SGK2: variants seen among roughly 807,000 people sequenced by gnomAD.
The protein encoded by SGK2 is serine/threonine-protein kinase Sgk2.
In SGK2, 36 loss-of-function variants were observed where a neutral mutation model predicts 47.5. The ratio of observed to expected loss-of-function variants is 0.76; its 90% confidence interval spans 0.58 to 1.00. The LOEUF (loss-of-function observed/expected upper bound fraction) is 1.00. SGK2 is among the 50% of genes least tolerant of loss of function. The probability of loss-of-function intolerance (pLI) is 0.00; values close to 1 mark genes in which losing one functional copy is unlikely to be tolerated. For missense variants in SGK2, 404 were observed against 467.4 expected (o/e 0.86, Z 1.25); for synonymous variants, 157 against 181.9 (o/e 0.86, Z 1.10).
Position 43,567,653 on chromosome 20 carries a change from C to T in SGK2, c.87-12C>T. The T allele has an allele frequency of 6.2e-7, 1 of 1,613,926 alleles. No homozygotes were observed. Among genetic ancestry groups the T allele is most frequent in the Non-Finnish European group, 8.5e-7 (1 of 1,179,854 alleles). ...TGCAAATGCTGATCCGTGTTTTTCC[C>T]TCTTCCCCCAGTGCCCAGCCCACGG... On this transcript the variant is annotated splice_polypyrimidine_tract_variant and intron_variant, in intron 3 of 12. Coordinates refer to ENST00000373100, the MANE Select transcript of SGK2 (RefSeq NM_170693.3).
chr20:43,560,407 G>C (rs1180533840), intron 1 of SGK2, among the ~76,000 whole-genome samples: 1 of 151,750 alleles, frequency 6.6e-6, no homozygotes, highest in East Asian at 1.9e-4. Context: ...GCTGAGACAG[G>C]AGAATTGCTT....
intron 11 of SGK2, 49 bp from the exon 12 acceptor site, chr20:43,579,923 A>G (rs1181117041): frequency 2.5e-5 from 31 of 1,253,600 alleles, no homozygotes; most frequent in Non-Finnish European, 3.4e-5. Flanking sequence ...GAGAGCACCC[A>G]TGGGGAGGGC....
rs952158268 is a variant in SGK2 at position 43,571,190 on chromosome 20, G to A, written c.510+130G>A. The stretch of plus-strand genomic sequence containing the variant: ...ACATGTATGCATATAGGTAGAGGAG[G>A]CATTTGAGCATATGTGTGTGTGCCC... On this transcript the variant is annotated intron_variant, in intron 8 of 12. Coordinates refer to ENST00000373100, the MANE Select transcript of SGK2 (RefSeq NM_170693.3). 2.1e-5 allele frequency: 30 copies of A among 1,418,410 alleles called. No homozygotes were observed. The Admixed American group carries it at 3.2e-4, about 15-fold the overall frequency. The allele number at this position is 1,418,410 out of a possible 1,614,324, so 87.9% of individuals were successfully genotyped here.
intron 11 of SGK2, among the ~76,000 whole-genome samples, chr20:43,577,500 C>T (rs1370511265): frequency 6.6e-5 from 10 of 151,586 alleles, no homozygotes; most frequent in Admixed American, 4.6e-4. Context: ...TACAGGCACC[C>T]GCCACCACGC....
chr20:43,570,493 G>T, intron 6 of SGK2, 124 bp from the exon 7 acceptor site: 1 of 619,752 alleles, frequency 1.6e-6, no homozygotes, highest in Non-Finnish European at 2.8e-6. Flanking sequence ...GCACTCTTTT[G>T]GTAGGAAGAA....
chr20:43,567,600 T>A lies in SGK2; in HGVS notation c.87-65T>A, dbSNP rs1467032608. The stretch of plus-strand genomic sequence containing the variant: ...CTAAAGTTAAAAAGAAGCCCAGGTT[T>A]GTTCTCAGGCACCAGGTTTCCAGAC... On this transcript the variant is annotated intron_variant, in intron 3 of 12. Coordinates refer to ENST00000373100, the MANE Select transcript of SGK2 (RefSeq NM_170693.3). 3 of 1,463,644 alleles carry A rather than the reference T, an allele frequency of 2.0e-6. No homozygotes were observed. The African/African-American group carries it at 4.2e-5, about 20-fold the overall frequency. The allele number at this position is 1,463,644 out of a possible 1,614,324, so 90.7% of individuals were successfully genotyped here.
intron 1 of SGK2, among the ~76,000 whole-genome samples, chr20:43,560,184 C>T (rs964763461): frequency 1.3e-5 from 2 of 152,072 alleles, no homozygotes; most frequent in East Asian, 1.9e-4. Flanking sequence ...AGAAGCTTTA[C>T]ACAATAGTAC....
chr20:43,580,828 G>A (rs1458636042), intron 12 of SGK2, among the ~76,000 whole-genome samples: 2 of 150,886 alleles, frequency 1.3e-5, no homozygotes, highest in Non-Finnish European at 3.0e-5. Flanking sequence ...GAAACCACTG[G>A]CATATTTCCT....
chr20:43,567,953 A>G lies in SGK2; in HGVS notation c.182A>G (p.Tyr61Cys), dbSNP rs147035926. 563 of 1,614,192 alleles carry G rather than the reference A, an allele frequency of 3.5e-4. 1 individual carries two copies. Among genetic ancestry groups the G allele is most frequent in the Non-Finnish European group, 4.3e-4 (504 of 1,180,020 alleles). Residue 61 changes from tyrosine to cysteine, a missense_variant, in exon 5 of 13, where the codon TAT becomes TGT. Transcript: ENST00000373100. ...AAGCGCAAGTCTGATGGGGCGTTCT[A>G]TGCAGTGAAGGTACTACAGAAAAAG... ...LAKRKSDGAF[Y>C]AVKVLQKKSI...
In SGK2 at chr20:43,570,205, A is replaced by G. The variant is rs141524087; in HGVS notation, c.361-412A>G. Among the ~76,000 whole-genome samples the G allele has an allele frequency of 3.8e-4, 58 of 152,270 alleles. 2 individuals are homozygous for G. The East Asian group carries it at 9.7e-3, about 25-fold the overall frequency. ...TCGCCTGGATTGATGGAAAAGCATA[A>G]TCTTTGAACCACGCAGGTTCAAATG... On this transcript the variant is annotated intron_variant, in intron 6 of 12. Coordinates refer to ENST00000373100, the MANE Select transcript of SGK2 (RefSeq NM_170693.3).
chr20:43,559,846 G>A (rs1979282553), intron 1 of SGK2, among the ~76,000 whole-genome samples: 1 of 152,204 alleles, frequency 6.6e-6, no homozygotes, highest in Non-Finnish European at 1.5e-5. Flanking sequence ...GGGCCAGGGA[G>A]CTGTAAGCAG....
chr20:43,584,529 C>G (rs149741176), intron 12 of SGK2, among the ~76,000 whole-genome samples: 22 of 152,264 alleles, frequency 1.4e-4, no homozygotes, highest in Admixed American at 6.5e-5. Context: ...TCCTACCCCC[C>G]ACACAATGTA....
At chr20:43,559,793 G>A (rs1004972784) in intron 1 of SGK2, among the ~76,000 whole-genome samples, 1 of 152,188 alleles carries the variant, frequency 6.6e-6, no homozygotes, top group African/African-American at 2.4e-5. Context: ...TCCAAGGAGA[G>A]AGAACTGTGT....
In SGK2 at chr20:43,574,958, A is replaced by T. The variant is rs200466252; in HGVS notation, c.647A>T (p.Asp216Val). ...AAAGAGCCTTATGATCGAGCAGTGGACTGGTGGTGCTTGGGGGCAGTCCTC... is the reference window on the plus strand; with the variant it reads ...AAAGAGCCTTATGATCGAGCAGTGGTCTGGTGGTGCTTGGGGGCAGTCCTC... Reference protein sequence around the residue: ...LRKEPYDRAVDWWCLGAVLYE... With the variant: ...LRKEPYDRAVVWWCLGAVLYE... Residue 216 changes from aspartate (D) to valine (V), a missense_variant, in exon 10 of 13, where the codon GAC (aspartate) becomes GTC (valine). Transcript: ENST00000373100. 6.4e-5 allele frequency: 104 copies of T among 1,613,634 alleles called. No individual in the cohort carries two copies. Among genetic ancestry groups the T allele is most frequent in the Non-Finnish European group, 8.5e-5 (100 of 1,179,808 alleles).
Position 43,567,657 on chromosome 20 carries a change from T to C in SGK2, c.87-8T>C. The C allele has an allele frequency of 6.2e-7, 1 of 1,613,846 alleles. No homozygotes were observed. The highest frequency in any genetic ancestry group is 8.5e-7 in the Non-Finnish European group (1 of 1,179,848). ...AATGCTGATCCGTGTTTTTCCCTCT[T>C]CCCCCAGTGCCCAGCCCACGGACTT... On this transcript the variant is annotated splice_polypyrimidine_tract_variant and splice_region_variant and intron_variant, in intron 3 of 12. Transcript: ENST00000373100.
intron 1 of SGK2, among the ~76,000 whole-genome samples, chr20:43,562,809 G>T (rs531343642): frequency 2.1e-4 from 32 of 152,130 alleles, no homozygotes; most frequent in African/African-American, 7.5e-4. Flanking sequence ...CAAGGAAGCA[G>T]TTAAATATTT....
intron 12 of SGK2, 122 bp downstream of exon 12, chr20:43,580,183 G>A (rs1980704860): frequency 3.2e-6 from 2 of 617,310 alleles, no homozygotes; most frequent in South Asian, 4.1e-5. Flanking sequence ...ATTTGTCCTA[G>A]GCTACACAGT....
At position 43,567,941 on chromosome 20, in the gene SGK2, A is replaced by T. The variant is rs753794614; in HGVS notation, c.170A>T (p.Asp57Val). The T allele has an allele frequency of 6.2e-7, 1 of 1,614,208 alleles. No individual in the cohort carries two copies. The highest frequency in any genetic ancestry group is 2.2e-5 in the East Asian group (1 of 44,888). ...GTCCTACTGGCCAAGCGCAAGTCTGATGGGGCGTTCTATGCAGTGAAGGTA... is the reference window on the plus strand; with the variant it reads ...GTCCTACTGGCCAAGCGCAAGTCTGTTGGGGCGTTCTATGCAGTGAAGGTA... Reference protein sequence around the residue: ...GKVLLAKRKSDGAFYAVKVLQ... With the variant: ...GKVLLAKRKSVGAFYAVKVLQ... Residue 57 changes from aspartate (D) to valine (V), a missense_variant, in exon 5 of 13, where the codon GAT becomes GTT. Asp to Val is a radical substitution (Grantham distance 152). Transcript: ENST00000373100.
chr20:43,562,626 A>G (rs1045714393), intron 1 of SGK2, among the ~76,000 whole-genome samples: 1 of 151,734 alleles, frequency 6.6e-6, no homozygotes, highest in East Asian at 1.9e-4. Flanking sequence ...CTGTAATCCC[A>G]GCTACTCGGG....
Sources: allele counts gnomAD v4.1 joint callset (sites outside exome capture counted in the v4.1 genomes callset), GRCh38; gene constraint gnomAD v4.1.1; transcripts MANE v1.5; gene names NCBI Gene and HGNC (gene_info 2026-07-23, HGNC 2026-07-21).